The following GRIA1 variants were observed in gnomAD, a reference collection of about 807,000 sequenced individuals.
GRIA1 encodes glutamate receptor 1.
In GRIA1, 31 loss-of-function variants were observed where a neutral mutation model predicts 99.2. The ratio of observed to expected loss-of-function variants is 0.31; its 90% CI spans 0.23 to 0.42. GRIA1 has a LOEUF of 0.42. GRIA1 is among the 10% of genes least tolerant of loss of function. The pLI is 1.00. For synonymous variants in GRIA1, 438 were observed against 432.4 expected (o/e 1.01, Z -0.16); for missense variants, 782 against 1,157.5 (o/e 0.68, Z 4.71).
chr5:153,755,666 C>G (rs1322343553), intron 11 of GRIA1: 1 of 152,138 alleles, frequency 6.6e-6, no homozygotes, highest in Admixed American at 6.5e-5. Context: ...GGCAACATAG[C>G]GAGATACTGT....
intron 2 of GRIA1, chr5:153,574,215 C>T (rs1762350927): frequency 6.6e-6 from 1 of 152,114 alleles, no homozygotes; most frequent in Non-Finnish European, 1.5e-5. Flanking sequence ...TATAGTAATA[C>T]CTGCTAGACA....
intron 11 of GRIA1, among the ~76,000 whole-genome samples, chr5:153,747,501 A>G (rs1762236962): frequency 6.6e-6 from 1 of 152,206 alleles, no homozygotes. Context: ...TGGCCCAAAG[A>G]AAGAGATGGG....
At chr5:153,586,718 G>T (rs1301478241) in intron 2 of GRIA1, among the ~76,000 whole-genome samples, 1 of 152,150 alleles carries the variant, frequency 6.6e-6, no homozygotes, top group Non-Finnish European at 1.5e-5. Context: ...GATATCATTG[G>T]AGTGCTTTTT....
intron 2 of GRIA1, among the ~76,000 whole-genome samples, chr5:153,571,492 C>T (rs569321071): frequency 6.6e-6 from 1 of 152,236 alleles, no homozygotes; most frequent in South Asian, 2.1e-4. Flanking sequence ...ATTTGAATTT[C>T]ATATAATTTT....
chr5:153,489,901 G>A (rs2113158930), upstream of GRIA1: 1 of 452,744 alleles, frequency 2.2e-6, no homozygotes, highest in East Asian at 7.0e-5. Flanking sequence ...CCTGTGGAAT[G>A]CAGGGAAAGA....
chr5:153,758,750 G>T (rs1762989127), intron 11 of GRIA1, among the ~76,000 whole-genome samples: 1 of 151,888 alleles, frequency 6.6e-6, no homozygotes. Flanking sequence ...CCATTCAAGA[G>T]TTGTAGGATA....
rs560687772 is a variant in GRIA1 at position 153,632,136 on chromosome 5, A to G, written c.221-14792A>G. ...TTCAAAAGAGCTTCCTGGCTGCTAG[A>G]TGAAGGATGGATGAGAACGGAAAAA... is the stretch of plus-strand genomic sequence containing the variant. On this transcript the variant is annotated intron_variant, in intron 2 of 15. Transcript: ENST00000285900. Among the ~76,000 whole-genome samples the G allele has an allele frequency of 3.9e-5, 6 of 152,292 alleles. No homozygotes were observed. The East Asian group carries it at 1.2e-3, about 29-fold the overall frequency.
chr5:153,519,370 G>C (rs569983685), intron 2 of GRIA1, among the ~76,000 whole-genome samples: 1 of 152,094 alleles, frequency 6.6e-6, no homozygotes, highest in African/African-American at 2.4e-5. Flanking sequence ...AGGCCCCGCA[G>C]ATGATTCTGA....
intron 11 of GRIA1, chr5:153,706,292 G>T (rs1243511196): frequency 3.6e-6 from 2 of 558,816 alleles, no homozygotes; most frequent in Non-Finnish European, 6.4e-6. Context: ...GATGTGCTCT[G>T]TCAAGGTTAA....
rs140866553 is a variant in GRIA1, at chr5:153,794,392, A to G, written c.2271-229A>G. 5.8e-3 allele frequency among the ~76,000 whole-genome samples: 891 copies of G among 152,338 alleles called. 14 individuals carry two copies. Among genetic ancestry groups the G allele is most frequent in the African/African-American group, 0.02 (844 of 41,588 alleles). On this transcript the variant is annotated intron_variant, in intron 13 of 15. Transcript: ENST00000285900. Reference sequence around the variant, plus strand: ...TTGCTTTCAAAATACCCAACTTCTGAAAACTTAGGTTACAATGACGCCTCT... The same window carrying G: ...TTGCTTTCAAAATACCCAACTTCTGGAAACTTAGGTTACAATGACGCCTCT...
intron 6 of GRIA1, among the ~76,000 whole-genome samples, chr5:153,675,859 ATTT>A (rs11409143): frequency 6.9e-6 from 1 of 145,636 alleles, no homozygotes. Context: ...ATGTAATTTA[ATTT>A]TTTTTTTTTT....
chr5:153,497,275 T>A (rs1754532970), intron 2 of GRIA1, among the ~76,000 whole-genome samples: 1 of 152,208 alleles, frequency 6.6e-6, no homozygotes, highest in African/African-American at 2.4e-5. Context: ...GAGAAGATAT[T>A]TACTGATCAG....
intron 2 of GRIA1, among the ~76,000 whole-genome samples, chr5:153,527,719 A>G (rs1300497510): frequency 1.3e-5 from 2 of 152,200 alleles, no homozygotes; most frequent in Non-Finnish European, 2.9e-5. Context: ...TAGTTTCACA[A>G]TGTTCACTTT....
At chr5:153,531,166 A>G (rs188873258) in intron 2 of GRIA1, among the ~76,000 whole-genome samples, 2 of 152,256 alleles carry the variant, frequency 1.3e-5, no homozygotes, top group Admixed American at 1.3e-4. Flanking sequence ...TCAAGTACAA[A>G]AGTTTTTAGG....
At chr5:153,544,528 C>A (rs1208356682) in intron 2 of GRIA1, among the ~76,000 whole-genome samples, 1 of 152,092 alleles carries the variant, frequency 6.6e-6, no homozygotes, top group Non-Finnish European at 1.5e-5. Flanking sequence ...TCTATAATGA[C>A]CTAAGATAAA....
At chr5:153,551,719 A>G (rs1760160889) in intron 2 of GRIA1, among the ~76,000 whole-genome samples, 1 of 152,068 alleles carries the variant, frequency 6.6e-6, no homozygotes, top group African/African-American at 2.4e-5. Context: ...GCCAATCACT[A>G]TGCTTTCATA....
chr5:153,649,440 T>TTTATTTAGTTAGTTAGTTAG (rs1554108110), intron 3 of GRIA1, among the ~76,000 whole-genome samples: 7 of 146,798 alleles, frequency 4.8e-5, no homozygotes, highest in Non-Finnish European at 3.1e-5. Flanking sequence ...TATTTATTTA[T>TTTATTTAGTTAGTTAGTTAG]TTAGTTAGTT....
Position 153,812,542 on chromosome 5 carries a change from T to C in GRIA1, c.*1317T>C, listed in dbSNP as rs949986073. 1 of 152,172 alleles carries C rather than the reference T, an allele frequency of 6.6e-6. No individual in the cohort carries two copies. Among genetic ancestry groups the C allele is most frequent in the African/African-American group, 2.4e-5 (1 of 41,442 alleles). The allele number at this position is 152,172 out of a possible 1,614,324, so 9.4% of individuals were successfully genotyped here. On this transcript the variant is annotated 3_prime_UTR_variant, in exon 16 of 16. Coordinates refer to ENST00000285900, the MANE Select transcript of GRIA1 (RefSeq NM_000827.4). ...AATTGAAGGAGTATAGGGAGATGGA[T>C]TAAGTTGATAATGACATTTAGGGCA...
intron 2 of GRIA1, among the ~76,000 whole-genome samples, chr5:153,599,330 T>C (rs1764692866): frequency 6.6e-6 from 1 of 152,226 alleles, no homozygotes; most frequent in Non-Finnish European, 1.5e-5. Context: ...TTAGAAAGTA[T>C]GAAAGAAGTT....
Sources: allele counts gnomAD v4.1 joint callset (sites outside exome capture counted in the v4.1 genomes callset), GRCh38; gene constraint gnomAD v4.1.1; transcripts MANE v1.5; gene names NCBI Gene and HGNC (gene_info 2026-07-23, HGNC 2026-07-21).